The following CDH18 variants were observed in gnomAD, a reference collection of about 807,000 sequenced individuals.
CDH18 encodes cadherin-18.
In CDH18, 31 loss-of-function variants were observed where a neutral mutation model predicts 67.9. That is an observed-to-expected ratio of 0.46 (90% CI 0.34 to 0.62). The LOEUF is 0.62. CDH18 is among the 20% of genes least tolerant of loss of function. The pLI is 0.01. For missense variants in CDH18, 890 were observed against 975.5 expected, an observed-to-expected ratio of 0.91 and a Z score of 1.17; for synonymous variants, 362 against 347.2, an observed-to-expected ratio of 1.04 and a Z score of -0.48.
intron 7 of CDH18, among the ~76,000 whole-genome samples, chr5:19,587,604 T>C (rs978127816): frequency 1.3e-5 from 2 of 151,924 alleles, no homozygotes; most frequent in African/African-American, 4.8e-5. Context: ...TAGTGGTAAG[T>C]ATGCAGTCTT....
At chr5:19,748,134 G>GAAAA (rs1554022366) in intron 3 of CDH18, among the ~76,000 whole-genome samples, 2 of 67,136 alleles carry the variant, frequency 3.0e-5, no homozygotes, top group Non-Finnish European at 5.1e-5. Flanking sequence ...AAAAAAAAAA[G>GAAAA]AGTACTTTTT....
Position 19,589,283 on chromosome 5 carries a change from G to T in CDH18, c.999+1774C>A, listed in dbSNP as rs143944972. Reference sequence around the variant, plus strand: ...ACTTTTTGATGACTAGCTACCTCCTGAACAGCGTCCCTTGGGAATATTCAA... The same window carrying T: ...ACTTTTTGATGACTAGCTACCTCCTTAACAGCGTCCCTTGGGAATATTCAA... On this transcript the variant is annotated intron_variant, in intron 7 of 12. Transcript: ENST00000382275. Among the ~76,000 whole-genome samples the T allele has an allele frequency of 2.2e-3, 336 of 152,178 alleles. 3 individuals are homozygous for T. Among genetic ancestry groups the T allele is most frequent in the African/African-American group, 7.5e-3 (313 of 41,548 alleles).
At chr5:19,629,243 A>G (rs12188036) in intron 5 of CDH18, among the ~76,000 whole-genome samples, 112,093 of 152,020 alleles carry the variant, frequency 0.74, 41,580 homozygotes, top group South Asian at 0.8. Flanking sequence ...TCAGTGGGGA[A>G]ACCTCTACAA....
chr5:20,232,883 A>G (rs1742182009), intron 2 of CDH18, among the ~76,000 whole-genome samples: 1 of 152,048 alleles, frequency 6.6e-6, no homozygotes, highest in Admixed American at 6.6e-5. Flanking sequence ...ACTTTGAGAA[A>G]GAGTATTCCA....
At chr5:19,732,503 C>CA (rs979432090) in intron 4 of CDH18, among the ~76,000 whole-genome samples, 20 of 151,486 alleles carry the variant, frequency 1.3e-4, no homozygotes, top group Non-Finnish European at 2.5e-4. Context: ...GACCTTGTCT[C>CA]AAAAAAATAA....
At chr5:20,523,450 C>A (rs1755869080) in intron 1 of CDH18, among the ~76,000 whole-genome samples, 1 of 152,158 alleles carries the variant, frequency 6.6e-6, no homozygotes. Flanking sequence ...GGTGATACAT[C>A]AGACAACCTG....
intron 4 of CDH18, among the ~76,000 whole-genome samples, chr5:19,744,008 C>T (rs1769613168): frequency 6.6e-6 from 1 of 151,478 alleles, no homozygotes; most frequent in African/African-American, 2.4e-5. Context: ...GTGAGTTTCT[C>T]CCTCCACTTT....
chr5:20,157,113 C>G (rs547704588), intron 2 of CDH18, among the ~76,000 whole-genome samples: 2 of 152,212 alleles, frequency 1.3e-5, no homozygotes, highest in East Asian at 1.9e-4. Flanking sequence ...CTTTGGGACA[C>G]AGAAAGATGG....
At chr5:19,693,908 A>G (rs1047559464) in intron 5 of CDH18, among the ~76,000 whole-genome samples, 2 of 151,902 alleles carry the variant, frequency 1.3e-5, no homozygotes, top group African/African-American at 4.8e-5. Flanking sequence ...AAAAAAAAAA[A>G]AAAAAGATTA....
intron 1 of CDH18, among the ~76,000 whole-genome samples, chr5:20,341,682 A>G (rs1176344038): frequency 1.3e-5 from 2 of 151,982 alleles, no homozygotes; most frequent in Admixed American, 1.3e-4. Context: ...AATATTAAGG[A>G]TGGAGTTCTT....
chr5:19,774,433 A>AAAATAAAATAAAATG, intron 3 of CDH18, among the ~76,000 whole-genome samples: 1 of 149,744 alleles, frequency 6.7e-6, no homozygotes, highest in East Asian at 1.9e-4. Context: ...AAATTAAAAT[A>AAAATAAAATAAAATG]AAATAAAATA....
chr5:20,131,723 A>T (rs184259367), intron 2 of CDH18, among the ~76,000 whole-genome samples: 1 of 152,304 alleles, frequency 6.6e-6, no homozygotes, highest in Non-Finnish European at 1.5e-5. Context: ...ATATTGATTT[A>T]TGTATTTTTA....
intron 2 of CDH18, among the ~76,000 whole-genome samples, chr5:20,221,286 A>T (rs1741203076): frequency 6.6e-6 from 1 of 152,148 alleles, no homozygotes; most frequent in African/African-American, 2.4e-5. Flanking sequence ...AGCCGTAAAA[A>T]TGAATGAGAT....
intron 2 of CDH18, among the ~76,000 whole-genome samples, chr5:19,922,878 G>A (rs1292670700): frequency 1.3e-5 from 2 of 152,076 alleles, no homozygotes; most frequent in South Asian, 2.1e-4. Flanking sequence ...TTTGGAGGAA[G>A]GGAAGGAAAT....
intron 1 of CDH18, among the ~76,000 whole-genome samples, chr5:20,302,715 T>A (rs528846895): frequency 6.6e-6 from 1 of 152,316 alleles, no homozygotes; most frequent in African/African-American, 2.4e-5. Flanking sequence ...ACTACTCTTT[T>A]CTAAATGAGA....
chr5:20,163,628 A>T (rs535311064), intron 2 of CDH18, among the ~76,000 whole-genome samples: 10 of 152,330 alleles, frequency 6.6e-5, no homozygotes, highest in Admixed American at 4.6e-4. Context: ...ATGATCTCTC[A>T]GCAGCCAATG....
At chr5:19,858,003 T>C (rs548137787) in intron 2 of CDH18, among the ~76,000 whole-genome samples, 15 of 152,318 alleles carry the variant, frequency 9.8e-5, no homozygotes, top group Admixed American at 7.8e-4. Context: ...TTTCCTTGTT[T>C]GTGAGAATTC....
intron 1 of CDH18, among the ~76,000 whole-genome samples, chr5:20,393,296 AT>A (rs1436713781): frequency 6.6e-6 from 1 of 151,964 alleles, no homozygotes; most frequent in African/African-American, 2.4e-5. Flanking sequence ...TCAATGATTT[AT>A]TTATACACAT....
chr5:19,974,382 T>C (rs1237553395), intron 2 of CDH18, among the ~76,000 whole-genome samples: 1 of 151,664 alleles, frequency 6.6e-6, no homozygotes, highest in Non-Finnish European at 1.5e-5. Context: ...AATATAAAGA[T>C]TAGCCAGGCA....
Sources: allele counts gnomAD v4.1 joint callset (sites outside exome capture counted in the v4.1 genomes callset), GRCh38; gene constraint gnomAD v4.1.1; transcripts MANE v1.5; gene names NCBI Gene and HGNC (gene_info 2026-07-23, HGNC 2026-07-21).